Variants in STXBP6 observed in about 807,000 individuals in gnomAD.
STXBP6 encodes syntaxin-binding protein 6.
Under a neutral mutation model 26.9 loss-of-function variants are expected in STXBP6, and 21 were observed. The ratio of observed to expected loss-of-function variants is 0.78; its 90% confidence interval spans 0.55 to 1.12. The LOEUF (loss-of-function observed/expected upper bound fraction) is 1.12, where lower values mean the gene tolerates loss of function less well. Ranked by LOEUF, STXBP6 falls within the 50% of genes most tolerant of loss-of-function variation. STXBP6 has a pLI of 0.00. For missense variants in STXBP6, 232 were observed against 257.9 expected (o/e 0.90, Z 0.69); for synonymous variants, 97 against 92.6 (o/e 1.05, Z -0.27).
At chr14:24,848,521 G>C (rs186927994) in intron 4 of STXBP6, among the ~76,000 whole-genome samples, 2 of 152,170 alleles carry the variant, frequency 1.3e-5, no homozygotes, top group African/African-American at 4.8e-5. Flanking sequence ...ATGGTATTTT[G>C]GAAGTACCTT....
chr14:24,965,242 A>G (rs563589449), intron 2 of STXBP6, among the ~76,000 whole-genome samples: 2 of 152,008 alleles, frequency 1.3e-5, no homozygotes, highest in African/African-American at 2.4e-5. Flanking sequence ...AGAGGGAGAA[A>G]ACCCCCAAGG....
intron 2 of STXBP6, among the ~76,000 whole-genome samples, chr14:24,859,475 C>T (rs979251788): frequency 2.0e-5 from 3 of 152,122 alleles, no homozygotes; most frequent in African/African-American, 7.2e-5. Context: ...CACTTGCACA[C>T]ACACACACCA....
At chr14:24,842,158 G>T (rs2068804025) in intron 4 of STXBP6, among the ~76,000 whole-genome samples, 1 of 152,202 alleles carries the variant, frequency 6.6e-6, no homozygotes, top group African/African-American at 2.4e-5. Flanking sequence ...CAGGTCTTGG[G>T]TGGGAGACTA....
At chr14:24,882,300 A>AC (rs2070393518) in intron 2 of STXBP6, among the ~76,000 whole-genome samples, 1 of 132,574 alleles carries the variant, frequency 7.5e-6, no homozygotes. Flanking sequence ...AATGGCGTGA[A>AC]CCCGGGAGGC....
At chr14:25,028,021 A>G (rs2075379428) in intron 1 of STXBP6, among the ~76,000 whole-genome samples, 1 of 152,208 alleles carries the variant, frequency 6.6e-6, no homozygotes, top group Non-Finnish European at 1.5e-5. Flanking sequence ...AAGCTAGGAG[A>G]GGTTGGTTCA....
chr14:24,956,757 C>T (rs1000508132), intron 2 of STXBP6, among the ~76,000 whole-genome samples: 5 of 152,114 alleles, frequency 3.3e-5, no homozygotes, highest in African/African-American at 4.8e-5. Flanking sequence ...TTGTAATACA[C>T]CGACCACGCC....
chr14:24,886,905 A>G (rs754292119), intron 2 of STXBP6, among the ~76,000 whole-genome samples: 3 of 152,206 alleles, frequency 2.0e-5, no homozygotes, highest in Admixed American at 6.5e-5. Context: ...CTTGAATCCA[A>G]TCCACAGGTA....
chr14:24,941,647 G>C (rs1262312975), intron 2 of STXBP6, among the ~76,000 whole-genome samples: 3 of 152,152 alleles, frequency 2.0e-5, no homozygotes, highest in Non-Finnish European at 2.9e-5. Context: ...CTGTCCTGGG[G>C]CCAAGGGGAG....
chr14:24,894,037 G>A (rs1352001631), intron 2 of STXBP6, among the ~76,000 whole-genome samples: 1 of 152,146 alleles, frequency 6.6e-6, no homozygotes, highest in Non-Finnish European at 1.5e-5. Flanking sequence ...AGGTTCTATG[G>A]TAAAAGTAGA....
chr14:24,991,022 A>C (rs2074458735), intron 1 of STXBP6, among the ~76,000 whole-genome samples: 1 of 151,510 alleles, frequency 6.6e-6, no homozygotes, highest in South Asian at 2.1e-4. Context: ...AGAGAGAAAG[A>C]GAAGAGAGAC....
chr14:24,885,058 C>T (rs1432377550), intron 2 of STXBP6, among the ~76,000 whole-genome samples: 3 of 152,130 alleles, frequency 2.0e-5, no homozygotes, highest in Non-Finnish European at 2.9e-5. Context: ...AATCAAGAAG[C>T]AAGGATGATA....
rs1595230586 is a variant in STXBP6, at chr14:24,975,471, T to C, written c.-32-621A>G. On this transcript the variant is annotated intron_variant, in intron 1 of 5. Transcript: ENST00000323944. ...TGGGTTCTAGTTTGCAGTGCTCCTC[T>C]GCATCTAGTTACCATGCTCTGTACC... 2.6e-5 allele frequency among the ~76,000 whole-genome samples: 4 copies of C among 152,362 alleles called. No homozygotes were observed. The South Asian group carries it at 8.3e-4, about 32-fold the overall frequency.
At chr14:24,883,834 C>T (rs895484679) in intron 2 of STXBP6, among the ~76,000 whole-genome samples, 1 of 152,152 alleles carries the variant, frequency 6.6e-6, no homozygotes, top group Non-Finnish European at 1.5e-5. Context: ...AAATGTCAGA[C>T]TATCCTCCCC....
At chr14:24,912,646 G>A (rs1411791936) in intron 2 of STXBP6, among the ~76,000 whole-genome samples, 1 of 152,092 alleles carries the variant, frequency 6.6e-6, no homozygotes, top group Non-Finnish European at 1.5e-5. Flanking sequence ...AGTGGCAAGA[G>A]GTACAAGTGA....
intron 4 of STXBP6, among the ~76,000 whole-genome samples, chr14:24,841,600 C>A (rs1271115348): frequency 1.3e-5 from 2 of 152,136 alleles, no homozygotes; most frequent in African/African-American, 4.8e-5. Context: ...CCTTTATATT[C>A]TTCATTGCTG....
At chr14:25,018,128 T>C (rs1286356923) in intron 1 of STXBP6, among the ~76,000 whole-genome samples, 2 of 152,168 alleles carry the variant, frequency 1.3e-5, no homozygotes, top group South Asian at 2.1e-4. Context: ...ACCATTGTGT[T>C]GTACTGCTTT....
chr14:25,002,557 C>T (rs981720201), intron 1 of STXBP6, among the ~76,000 whole-genome samples: 3 of 151,820 alleles, frequency 2.0e-5, no homozygotes, highest in South Asian at 2.1e-4. Context: ...GACGGGGTTT[C>T]ACCAGGTTAA....
chr14:24,819,419 T>G (rs1461321622), intron 4 of STXBP6: 4 of 608,920 alleles, frequency 6.6e-6, no homozygotes, highest in Non-Finnish European at 1.2e-5. Context: ...CCTAAATGCT[T>G]CTCTATAAAC....
At chr14:24,850,538 G>A (rs1409973677) in intron 4 of STXBP6, among the ~76,000 whole-genome samples, 1 of 152,116 alleles carries the variant, frequency 6.6e-6, no homozygotes, top group Non-Finnish European at 1.5e-5. Context: ...AAATAAAATT[G>A]TCTGGATTAA....
Sources: gnomAD v4.1 joint callset for allele counts (sites outside exome capture counted in the v4.1 genomes callset) on GRCh38, gnomAD v4.1.1 for gene constraint, MANE v1.5 for transcripts, NCBI Gene and HGNC (gene_info 2026-07-23, HGNC 2026-07-21) for gene names.